The following DDA1 variants were observed in gnomAD, a reference collection of about 807,000 sequenced individuals.
The protein encoded by DDA1 is DET1- and DDB1-associated protein 1.
Under a neutral mutation model 18.6 loss-of-function variants are expected in DDA1, and 3 were observed. That is an observed-to-expected ratio of 0.16 (90% CI 0.07 to 0.42). The LOEUF is 0.42. Ranked by LOEUF, DDA1 falls within the 10% of genes least tolerant of loss-of-function variation. DDA1 has a pLI of 0.99. For missense variants in DDA1, 105 were observed against 138.2 expected, an observed-to-expected ratio of 0.76 and a Z score of 1.20; for synonymous variants, 52 against 54.0, an observed-to-expected ratio of 0.96 and a Z score of 0.17.
chr19:17,314,125 T>G lies in DDA1; in HGVS notation c.84+22T>G. 1 of 1,612,100 alleles carries G rather than the reference T, an allele frequency of 6.2e-7. No individual in the cohort carries two copies. The highest frequency in any genetic ancestry group is 8.5e-7 in the Non-Finnish European group (1 of 1,178,402). ...CTCGGTGAGTGCGTGTTCCTGGGAC[T>G]GGGAGGAATTGGTCACTTCCAGGGG... On this transcript the variant is annotated intron_variant, in intron 2 of 4. Transcript: ENST00000359866. This position sits in a 1 kb window ranked among gnomAD's most constrained non-coding sequence, Gnocchi z 4.6.
rs760319440 is a variant in DDA1, at chr19:17,314,535, A to G, written c.136+146A>G. ...CACACGCTGTCTACTGAATCCAGTT[A>G]AGTCAGGGAGGGCCTCCAGGGAGGT... On this transcript the variant is annotated intron_variant, in intron 3 of 4. Transcript: ENST00000359866. This position sits in a 1 kb window ranked among gnomAD's most constrained non-coding sequence, Gnocchi z 4.6. The G allele has an allele frequency of 4.9e-5, 55 of 1,122,904 alleles. No individual in the cohort carries two copies. Among genetic ancestry groups the G allele is most frequent in the Admixed American group, 1.1e-4 (5 of 46,230 alleles). 69.6% of individuals were successfully genotyped at this position (1,122,904 alleles called of 1,614,324 possible).
At chr19:17,315,548 G>A (rs1314807239) in intron 3 of DDA1, among the ~76,000 whole-genome samples, 1 of 151,174 alleles carries the variant, frequency 6.6e-6, no homozygotes, top group East Asian at 1.9e-4. Flanking sequence ...GATTATTCCA[G>A]CCTGGGTGAC....
intron 3 of DDA1, among the ~76,000 whole-genome samples, chr19:17,315,209 G>A (rs28617488): frequency 9.3e-4 from 19 of 20,504 alleles, no homozygotes; most frequent in Non-Finnish European, 1.4e-3. Flanking sequence ...ATACACACGT[G>A]TATATACACA....
In DDA1 at chr19:17,319,546, A is replaced by T; in HGVS notation, c.199A>T (p.Asn67Tyr). 3.2e-6 allele frequency: 5 copies of T among 1,562,704 alleles called. No individual in the cohort carries two copies. Among genetic ancestry groups the T allele is most frequent in the Non-Finnish European group, 4.3e-6 (5 of 1,153,262 alleles). ...CCCCTCTCTTTTCCCTGTCCCCCAG[A>T]ACGCTGCCAAGAAGAGAGACCAGGA... The part of the protein sequence containing the change: ...RYLHQQWDKK[N>Y]AAKKRDQEQV... Residue 67 changes from asparagine to tyrosine, a missense_variant and splice_region_variant, in exon 5 of 5, where the codon AAC becomes TAC. Asn to Tyr is a moderately radical substitution (Grantham distance 143, BLOSUM62 -2). Coordinates refer to ENST00000359866, the MANE Select transcript of DDA1 (RefSeq NM_024050.6).
At position 17,309,634 on chromosome 19, in the gene DDA1, C is replaced by G. The variant is rs1475128744; in HGVS notation, c.-21C>G. Reference sequence around the variant, plus strand: ...GTGGAGGCTGAGGCGGCGGCCGAGGCGGCGACGGAGGAAACAGAAGATGGT... The same window carrying G: ...GTGGAGGCTGAGGCGGCGGCCGAGGGGGCGACGGAGGAAACAGAAGATGGT... On this transcript the variant is annotated 5_prime_UTR_variant, in exon 1 of 5. Coordinates refer to ENST00000359866, the MANE Select transcript of DDA1 (RefSeq NM_024050.6). The G allele has an allele frequency of 6.2e-7, 1 of 1,612,586 alleles. No individual in the cohort carries two copies. Among genetic ancestry groups the G allele is most frequent in the Non-Finnish European group, 8.5e-7 (1 of 1,179,232 alleles).
At chr19:17,319,387 A>G (rs970803239) in intron 4 of DDA1, among the ~76,000 whole-genome samples, 159 bp from the exon 5 acceptor site, 5 of 151,936 alleles carry the variant, frequency 3.3e-5, no homozygotes, top group East Asian at 1.9e-4. Context: ...ACATAGTGAA[A>G]CCCCCATGTC....
At position 17,320,094 on chromosome 19, in the gene DDA1, C is replaced by T; in HGVS notation, c.*438C>T. ...CCAGGACAGCCGAGTGGCCTTCTCC[C>T]CCCCAACACCGGTCCAGGCCATTGA... is the stretch of plus-strand genomic sequence containing the variant. On this transcript the variant is annotated 3_prime_UTR_variant, in exon 5 of 5. Transcript: ENST00000359866. 6.2e-6 allele frequency: 1 copy of T among 161,196 alleles called. No homozygotes were observed. The highest frequency in any genetic ancestry group is 1.4e-5 in the Non-Finnish European group (1 of 73,446). 10.0% of individuals were successfully genotyped at this position (161,196 alleles called of 1,614,324 possible).
intron 3 of DDA1, among the ~76,000 whole-genome samples, chr19:17,315,385 A>G (rs2074206759): frequency 4.2e-5 from 4 of 95,412 alleles, no homozygotes; most frequent in South Asian, 7.4e-4. Context: ...ACACGTATAT[A>G]TATACACACT....
chr19:17,314,219 C>T lies in DDA1; in HGVS notation c.84+116C>T, dbSNP rs557738188. The T allele has an allele frequency of 3.2e-6, 5 of 1,553,752 alleles. No homozygotes were observed. In the Admixed American group the frequency reaches 8.4e-5, roughly 26 times the overall value. On this transcript the variant is annotated intron_variant, in intron 2 of 4. Transcript: ENST00000359866. The surrounding 1 kb of genome is among the most constrained non-coding windows in gnomAD (Gnocchi z 4.6). ...ACAGAGGCTGATCTTCAAGCCCAGC[C>T]CCATCCACATACTTGAGTGTCTTCC...
chr19:17,315,278 TACACACACTATATATATAC>T (rs2074203485), intron 3 of DDA1, among the ~76,000 whole-genome samples: 2 of 47,316 alleles, frequency 4.2e-5, no homozygotes, highest in African/African-American at 2.5e-4. Context: ...CACGTGTATA[TACACACACTATATATATAC>T]ACACGTGTAT....
intron 1 of DDA1, among the ~76,000 whole-genome samples, chr19:17,311,165 TG>T (rs1229386949): frequency 7.3e-6 from 1 of 136,694 alleles, no homozygotes; most frequent in Non-Finnish European, 1.6e-5. Flanking sequence ...AGAAGGAGGT[TG>T]TTTTTTTTTT....
rs1439852711 is a variant in DDA1 at position 17,315,301 on chromosome 19, C to T, written c.137-633C>T. Among the ~76,000 whole-genome samples, 7 of 32,932 alleles carry T rather than the reference C, an allele frequency of 2.1e-4. 1 individual carries two copies. Among genetic ancestry groups the T allele is most frequent in the African/African-American group, 8.4e-4 (4 of 4,754 alleles). The allele number at this position is 32,932 out of a possible 152,430, so 21.6% of individuals were successfully genotyped here. ...TATACACACACTATATATATACACACGTGTATATATATACACGCTATATAT... is the reference window on the plus strand; with the variant it reads ...TATACACACACTATATATATACACATGTGTATATATATACACGCTATATAT... On this transcript the variant is annotated intron_variant, in intron 3 of 4. Coordinates refer to ENST00000359866, the MANE Select transcript of DDA1 (RefSeq NM_024050.6).
chr19:17,315,802 A>G, intron 3 of DDA1, 132 bp from the exon 4 acceptor site: 5 of 869,572 alleles, frequency 5.7e-6, no homozygotes, highest in Non-Finnish European at 9.5e-6. Context: ...AGAAGCAAAA[A>G]CATGGGACTT....
intron 4 of DDA1, 28 bp downstream of exon 4, chr19:17,316,023 G>T (rs960390812): frequency 6.2e-7 from 1 of 1,612,618 alleles, no homozygotes; most frequent in East Asian, 2.2e-5. Context: ...CTGGTGCAGG[G>T]ATTGTGGGTG....
At chr19:17,317,257 C>G (rs939406371) in intron 4 of DDA1, among the ~76,000 whole-genome samples, 33 of 152,084 alleles carry the variant, frequency 2.2e-4, no homozygotes, top group African/African-American at 7.5e-4. Flanking sequence ...TGCCTGTAAT[C>G]TCAGGACTTT....
At position 17,322,549 on chromosome 19, in the gene DDA1, C is replaced by G. The variant is rs2074244976; in HGVS notation, c.*2893C>G. 1 of 152,376 alleles carries G rather than the reference C, an allele frequency of 6.6e-6. No individual in the cohort carries two copies. Among genetic ancestry groups the G allele is most frequent in the African/African-American group, 2.4e-5 (1 of 41,458 alleles). The allele number at this position is 152,376 out of a possible 1,614,324, so 9.4% of individuals were successfully genotyped here. ...ACACTGGCCCAGCCCTGCAGCATGGCCATGTTGGTCTCTGAGCCTTAAGCC... is the reference window on the plus strand; with the variant it reads ...ACACTGGCCCAGCCCTGCAGCATGGGCATGTTGGTCTCTGAGCCTTAAGCC... On this transcript the variant is annotated 3_prime_UTR_variant, in exon 5 of 5. Coordinates refer to ENST00000359866, the MANE Select transcript of DDA1 (RefSeq NM_024050.6).
chr19:17,312,713 C>T (rs912524566), intron 1 of DDA1, among the ~76,000 whole-genome samples: 14 of 152,214 alleles, frequency 9.2e-5, no homozygotes, highest in African/African-American at 3.4e-4. Flanking sequence ...CCCACACCAT[C>T]TCAAGGCCAG....
intron 1 of DDA1, among the ~76,000 whole-genome samples, chr19:17,313,756 C>T (rs1599533581): frequency 6.6e-6 from 1 of 152,086 alleles, no homozygotes; most frequent in South Asian, 2.1e-4. Flanking sequence ...AACCAGTGGC[C>T]TGTTCTCTTG....
At chr19:17,309,687 C>G (rs78265621) in intron 1 of DDA1, 30 bp downstream of exon 1, 18 of 1,610,582 alleles carry the variant, frequency 1.1e-5, no homozygotes, top group Admixed American at 6.7e-5. Flanking sequence ...CCCCACTCCC[C>G]CTCTGCTAGA....
Sources: gnomAD v4.1 joint callset for allele counts (sites outside exome capture counted in the v4.1 genomes callset) on GRCh38, gnomAD v4.1.1 for gene constraint, Gnocchi (gnomAD v3.1) non-coding constraint, MANE v1.5 for transcripts, NCBI Gene and HGNC (gene_info 2026-07-23, HGNC 2026-07-21) for gene names.